Variants in BST1 observed in about 807,000 individuals in gnomAD.
BST1 encodes the protein ADP-ribosyl cyclase/cyclic ADP-ribose hydrolase 2.
A neutral mutation model predicts 40.6 loss-of-function variants in BST1; 49 were observed. The ratio of observed to expected loss-of-function variants is 1.21; its 90% CI spans 0.96 to 1.53. The LOEUF (loss-of-function observed/expected upper bound fraction) is 1.53. Among genes scored for constraint, BST1 ranks in the 40% most tolerant of loss-of-function variants. The pLI, the probability that BST1 is intolerant of heterozygous loss-of-function variation, is 0.00. For missense variants in BST1, 423 were observed against 395.9 expected (o/e 1.07, Z -0.58); for synonymous variants, 157 against 159.3 (o/e 0.99, Z 0.11).
chr4:15,717,375 A>C (rs1720573128), intron 6 of BST1, among the ~76,000 whole-genome samples: 1 of 152,204 alleles, frequency 6.6e-6, no homozygotes, highest in Non-Finnish European at 1.5e-5. Context: ...CATTTCATGT[A>C]AACTCAGGGT....
intron 8 of BST1, among the ~76,000 whole-genome samples, chr4:15,724,966 T>C (rs1721018633): frequency 1.3e-5 from 2 of 152,100 alleles, no homozygotes; most frequent in Non-Finnish European, 2.9e-5. Flanking sequence ...CCACAAGATG[T>C]GGAGGTGAGC....
At chr4:15,744,435 C>T in the BST1 span, among the ~76,000 whole-genome samples, 2 of 152,178 alleles carry the variant, frequency 1.3e-5, no homozygotes, top group African/African-American at 2.4e-5. Context: ...ATAAAACCAT[C>T]AGATCTTGTG....
the BST1 span, among the ~76,000 whole-genome samples, chr4:15,751,576 A>T: frequency 9.2e-5 from 14 of 152,108 alleles, no homozygotes; most frequent in African/African-American, 3.4e-4. Context: ...CATTATAGTC[A>T]CTATTGTGTA....
At chr4:15,751,903 A>G in the BST1 span, among the ~76,000 whole-genome samples, 2 of 152,200 alleles carry the variant, frequency 1.3e-5, no homozygotes, top group African/African-American at 2.4e-5. Flanking sequence ...GTGTATTATA[A>G]CAATTTATTT....
At position 15,719,096 on chromosome 4, in the gene BST1, T is replaced by C. The variant is rs1174875263; in HGVS notation, c.791+103T>C. On this transcript the variant is annotated intron_variant, in intron 7 of 8. Coordinates refer to ENST00000265016, the MANE Select transcript of BST1 (RefSeq NM_004334.3). ...TGATGGCTCTCAGCTCTGAAGGCCA[T>C]GGTGTCTTCCGGGTGGCTTCTCGGT... 31 of 1,005,758 alleles carry C rather than the reference T, an allele frequency of 3.1e-5. No individual in the cohort carries two copies. The South Asian group carries it at 4.7e-4, about 15-fold the overall frequency. The allele number at this position is 1,005,758 out of a possible 1,614,324, so 62.3% of individuals were successfully genotyped here. A position where few individuals can be genotyped will look rare whatever the true frequency, so the allele number is the denominator to read the frequency against.
chr4:15,764,897 T>TGTGTGTGTG, the BST1 span, among the ~76,000 whole-genome samples: 1 of 132,854 alleles, frequency 7.5e-6, no homozygotes, highest in African/African-American at 2.9e-5. Flanking sequence ...TGTGTGTGTG[T>TGTGTGTGTG]TTTGCAAAGT....
the BST1 span, among the ~76,000 whole-genome samples, chr4:15,757,502 C>A: frequency 6.6e-6 from 1 of 151,802 alleles, no homozygotes; most frequent in Non-Finnish European, 1.5e-5. Flanking sequence ...AGCACACCCC[C>A]ACCCCGCCCC....
chr4:15,754,764 C>T, the BST1 span, among the ~76,000 whole-genome samples: 2 of 152,210 alleles, frequency 1.3e-5, no homozygotes. Flanking sequence ...AGTATATACA[C>T]ATGGCTTAAA....
Position 15,732,150 on chromosome 4 carries a change from C to T in BST1, c.*305C>T. On this transcript the variant is annotated 3_prime_UTR_variant, in exon 9 of 9. Coordinates refer to ENST00000265016, the MANE Select transcript of BST1 (RefSeq NM_004334.3). Reference sequence around the variant, plus strand: ...TATTATCAAACATTTTAAGAGAATTCTAATAAAGCTGTATTTTACATCATC... The same window carrying T: ...TATTATCAAACATTTTAAGAGAATTTTAATAAAGCTGTATTTTACATCATC... 1 of 1,105,846 alleles carries T rather than the reference C, an allele frequency of 9.0e-7. No homozygotes were observed. The highest frequency in any genetic ancestry group is 1.1e-6 in the Non-Finnish European group (1 of 904,606). 68.5% of individuals were successfully genotyped at this position (1,105,846 alleles called of 1,614,324 possible).
chr4:15,756,399 T>C, the BST1 span, among the ~76,000 whole-genome samples: 48 of 152,306 alleles, frequency 3.2e-4, no homozygotes, highest in African/African-American at 1.1e-3. Context: ...TGGTTAAAGA[T>C]GTGCATGCCA....
intron 1 of BST1, 59 bp downstream of exon 1, chr4:15,703,391 G>A: frequency 6.8e-7 from 1 of 1,472,744 alleles, no homozygotes; most frequent in South Asian, 1.3e-5. Context: ...GGGAGGGCCT[G>A]GGGAGGGGAA....
At chr4:15,766,377 G>A in the BST1 span, among the ~76,000 whole-genome samples, 1 of 151,818 alleles carries the variant, frequency 6.6e-6, no homozygotes, top group Admixed American at 6.5e-5. Flanking sequence ...GTTAAGCTGC[G>A]GTCAGACCTA....
chr4:15,766,652 C>T, the BST1 span, among the ~76,000 whole-genome samples: 1 of 151,692 alleles, frequency 6.6e-6, no homozygotes, highest in Admixed American at 6.6e-5. Flanking sequence ...AAGCAGGTCA[C>T]AGGTGTGATC....
At chr4:15,759,745 TG>T in the BST1 span, among the ~76,000 whole-genome samples, 3 of 151,850 alleles carry the variant, frequency 2.0e-5, no homozygotes, top group African/African-American at 7.3e-5. Context: ...ACTATTTAGT[TG>T]GATATTACCA....
the BST1 span, among the ~76,000 whole-genome samples, chr4:15,773,647 C>A: frequency 6.6e-6 from 1 of 151,986 alleles, no homozygotes; most frequent in Non-Finnish European, 1.5e-5. Context: ...CAAAAAAAAT[C>A]CAATAAGTTG....
the BST1 span, among the ~76,000 whole-genome samples, chr4:15,756,964 A>G: frequency 6.6e-6 from 1 of 152,238 alleles, no homozygotes; most frequent in Non-Finnish European, 1.5e-5. Flanking sequence ...TGTAAAAGAA[A>G]TGTATGCCTA....
the BST1 span, among the ~76,000 whole-genome samples, chr4:15,768,651 G>A: frequency 1.3e-5 from 2 of 151,864 alleles, no homozygotes; most frequent in South Asian, 2.1e-4. Flanking sequence ...CCGCCACCGC[G>A]CCCGGCTAAT....
At chr4:15,737,674 G>A (rs1721619091), downstream of BST1, 1 of 669,222 alleles carries the variant, frequency 1.5e-6, no homozygotes, top group African/African-American at 1.9e-5. Context: ...GTGGGCACAT[G>A]AAGAACTGAG....
At chr4:15,739,239 TC>T (rs375599874), downstream of BST1, among the ~76,000 whole-genome samples, 618 of 152,330 alleles carry the variant, frequency 4.1e-3, 3 homozygotes, top group Non-Finnish European at 5.8e-3. Context: ...TATGCTAATT[TC>T]ACCATAATTA....
Sources: gnomAD v4.1 joint callset for allele counts (sites outside exome capture counted in the v4.1 genomes callset) on GRCh38, gnomAD v4.1.1 for gene constraint, MANE v1.5 for transcripts, NCBI Gene and HGNC (gene_info 2026-07-23, HGNC 2026-07-21) for gene names.